SCNN1A: variants seen among roughly 807,000 people sequenced by gnomAD.
The protein encoded by SCNN1A is sodium channel epithelial 1 subunit alpha.
Under a neutral mutation model 68.6 loss-of-function variants are expected in SCNN1A, and 65 were observed. That is an observed-to-expected ratio of 0.95 (90% confidence interval 0.78 to 1.16). SCNN1A has a LOEUF of 1.16. Ranked by LOEUF, SCNN1A falls within the 50% of genes most tolerant of loss-of-function variation. The pLI, the probability that SCNN1A is intolerant of heterozygous loss-of-function variation, is 0.00. For synonymous variants in SCNN1A, 357 were observed against 353.3 expected (o/e 1.01, Z -0.12); for missense variants, 880 against 865.9 (o/e 1.02, Z -0.20).
chr12:6,374,682 T>A lies in SCNN1A; in HGVS notation c.102A>T (p.Glu34Asp). ...NKREEQGLGPEPAAPQQPTAE... is the reference protein window; with the variant it reads ...NKREEQGLGPDPAAPQQPTAE... Reference sequence around the variant, plus strand: ...CCGTGGGCTGCTGGGGCGCCGCAGGTTCGGGGCCCAGCCCCTGCTCCTCAC... The same window carrying A: ...CCGTGGGCTGCTGGGGCGCCGCAGGATCGGGGCCCAGCCCCTGCTCCTCAC... The change falls in exon 2 of 13, where the codon GAA becomes GAT. Residue 34 changes from glutamate to aspartate, a missense_variant. By Grantham distance (45) the Glu-to-Asp change is conservative. Around this residue, in one of 3 missense-constraint regions of SCNN1A, gnomAD observed 77 missense variants for 67.4 expected, o/e 1.14. Coordinates refer to ENST00000228916, the MANE Select transcript of SCNN1A (RefSeq NM_001038.6). This position sits in a 1 kb window ranked among gnomAD's most constrained non-coding sequence, Gnocchi z 6.2. The A allele has an allele frequency of 6.2e-7, 1 of 1,613,936 alleles. No homozygotes were observed. The highest frequency in any genetic ancestry group is 8.5e-7 in the Non-Finnish European group (1 of 1,179,940).
intron 5 of SCNN1A, 107 bp downstream of exon 5, chr12:6,355,670 G>C (rs1270638999): frequency 3.2e-6 from 3 of 943,236 alleles, no homozygotes; most frequent in Admixed American, 3.4e-5. Context: ...ATTGGGGAGA[G>C]ACAGCAGGCA....
At position 6,348,165 on chromosome 12, in the gene SCNN1A, A is replaced by G. The variant is rs764120076; in HGVS notation, c.1718T>C (p.Val573Ala). 1.2e-6 allele frequency: 2 copies of G among 1,613,996 alleles called. No homozygotes were observed. The highest frequency in any genetic ancestry group is 1.7e-6 in the Non-Finnish European group (2 of 1,180,028). The part of the protein sequence containing the change: ...VLSVVEMAEL[V>A]FDLLVIMFLM... ...GAACATGATGACCAGCAGGTCAAAG[A>G]CGAGCTCAGCCATCTCCACCACAGA... is the stretch of plus-strand genomic sequence containing the variant. The change falls in exon 13 of 13, where the codon GTC (valine) becomes GCC (alanine). Residue 573 changes from valine to alanine, a missense_variant. This residue lies in a region of SCNN1A where 758 missense variants were observed against 721.8 expected (regional missense o/e 1.05). Transcript: ENST00000228916.
intron 2 of SCNN1A, 44 bp from the exon 3 acceptor site, chr12:6,363,754 C>G: frequency 6.5e-7 from 1 of 1,532,962 alleles, no homozygotes; most frequent in Admixed American, 1.9e-5. Flanking sequence ...GGCCCTGGAG[C>G]GAGTGTCTGG....
At position 6,363,620 on chromosome 12, in the gene SCNN1A, A is replaced by T; in HGVS notation, c.507T>A (p.Thr169=). The T allele has an allele frequency of 5.0e-6, 8 of 1,613,212 alleles. No homozygotes were observed. Among genetic ancestry groups the T allele is most frequent in the Non-Finnish European group, 6.8e-6 (8 of 1,179,628 alleles). The change falls in exon 3 of 13, where the codon ACT becomes ACA. Residue 169 remains threonine, a synonymous_variant. Transcript: ENST00000228916. ...FDLYKYSSFT[T]LVAGSRSRRD... is the part of the protein sequence containing the mutation. ...GACGGCTGCGGGAGCCGGCCACGAG[A>T]GTGGTGAAGGAGCTGTATTTGTACA...
At chr12:6,373,515 A>T (rs975664683) in intron 2 of SCNN1A, among the ~76,000 whole-genome samples, 9 of 152,200 alleles carry the variant, frequency 5.9e-5, no homozygotes, top group African/African-American at 1.9e-4. Context: ...TCTGGCTTGA[A>T]GCAGGTGTTC....
chr12:6,358,457 T>C (rs1229250849), intron 4 of SCNN1A, among the ~76,000 whole-genome samples: 2 of 152,104 alleles, frequency 1.3e-5, no homozygotes, highest in African/African-American at 4.8e-5. Flanking sequence ...AAAACATAGA[T>C]CCATGTACAG....
chr12:6,360,922 G>T (rs1014479209), intron 4 of SCNN1A, among the ~76,000 whole-genome samples: 1 of 152,182 alleles, frequency 6.6e-6, no homozygotes, highest in Non-Finnish European at 1.5e-5. Context: ...AGCCAGGGCC[G>T]GCCCATTCCC....
chr12:6,377,343 A>G (rs1948929108), upstream of SCNN1A: 2 of 1,333,068 alleles, frequency 1.5e-6, no homozygotes, highest in Non-Finnish European at 2.1e-6. Context: ...CCAAGGATAA[A>G]TCAGTTTTCT....
intron 8 of SCNN1A, among the ~76,000 whole-genome samples, chr12:6,352,426 G>A (rs191160739): frequency 1.4e-4 from 22 of 152,246 alleles, no homozygotes; most frequent in African/African-American, 4.6e-4. Flanking sequence ...CCTCTTCTCC[G>A]GGGAAGTAAG....
In SCNN1A at chr12:6,348,635, G is replaced by A. The variant is rs559466407; in HGVS notation, c.1629+92C>T. ...TGCCTTTGAGACTCAGAGCCTTCTGGCCCACAGAGACAACCTTTTGGTTTT... is the reference window on the plus strand; with the variant it reads ...TGCCTTTGAGACTCAGAGCCTTCTGACCCACAGAGACAACCTTTTGGTTTT... On this transcript the variant is annotated intron_variant, in intron 12 of 12. Coordinates refer to ENST00000228916, the MANE Select transcript of SCNN1A (RefSeq NM_001038.6). 1.6e-4 allele frequency: 175 copies of A among 1,115,996 alleles called. 2 individuals are homozygous for A. Among genetic ancestry groups the A allele is most frequent in the South Asian group, 1.2e-3 (94 of 80,640 alleles). The allele number at this position is 1,115,996 out of a possible 1,614,324, so 69.1% of individuals were successfully genotyped here.
intron 8 of SCNN1A, among the ~76,000 whole-genome samples, chr12:6,350,844 TAATAAATAAATA>T (rs138838604): frequency 5.3e-5 from 8 of 150,790 alleles, no homozygotes; most frequent in African/African-American, 1.7e-4. Flanking sequence ...TCAAAATAAA[TAATAAATAAATA>T]AATAAATAAA....
intron 4 of SCNN1A, among the ~76,000 whole-genome samples, chr12:6,358,138 G>A (rs183904470): frequency 2.6e-5 from 4 of 152,326 alleles, no homozygotes; most frequent in East Asian, 1.9e-4. Flanking sequence ...GCTGTAAAAT[G>A]GGGATAATAA....
chr12:6,363,417 G>GGGCCC, intron 3 of SCNN1A, 26 bp downstream of exon 3: 1 of 1,507,394 alleles, frequency 6.6e-7, no homozygotes, highest in Non-Finnish European at 8.9e-7. Context: ...GGGGCGGGGC[G>GGGCCC]GGCCCCTCGG....
chr12:6,373,934 G>A (rs1215419869), intron 2 of SCNN1A, among the ~76,000 whole-genome samples: 5 of 152,058 alleles, frequency 3.3e-5, no homozygotes, highest in South Asian at 2.1e-4. Flanking sequence ...GCACGGTCTC[G>A]CCTCCCCTCA....
intron 2 of SCNN1A, 177 bp from the exon 3 acceptor site, chr12:6,363,887 T>G: frequency 1.8e-5 from 8 of 440,666 alleles, no homozygotes; most frequent in East Asian, 8.4e-5. Flanking sequence ...TAAACAGGTG[T>G]GTCCGCCGGG....
At chr12:6,355,180 C>T in intron 6 of SCNN1A, 92 bp downstream of exon 6, 5 of 1,419,530 alleles carry the variant, frequency 3.5e-6, no homozygotes, top group Middle Eastern at 2.2e-4. Flanking sequence ...AGGCCCACCC[C>T]ACATGCTCTC....
Position 6,374,656 on chromosome 12 carries a change from G to T in SCNN1A, c.128C>A (p.Ala43Glu). ...PEPAAPQQPT[A>E]EEEALIEFHR... Reference sequence around the variant, plus strand: ...GAACTCGATCAGGGCCTCCTCCTCCGCCGTGGGCTGCTGGGGCGCCGCAGG... The same window carrying T: ...GAACTCGATCAGGGCCTCCTCCTCCTCCGTGGGCTGCTGGGGCGCCGCAGG... The change falls in exon 2 of 13, where the codon GCG becomes GAG. Residue 43 changes from alanine (A) to glutamate (E), a missense_variant. Ala to Glu is a moderately radical substitution (Grantham distance 107, BLOSUM62 -1). Around this residue, in one of 3 missense-constraint regions of SCNN1A, gnomAD observed 77 missense variants for 67.4 expected, o/e 1.14. Transcript: ENST00000228916. The surrounding 1 kb of genome is among the most constrained non-coding windows in gnomAD (Gnocchi z 6.2). The T allele has an allele frequency of 6.2e-7, 1 of 1,613,674 alleles. No individual in the cohort carries two copies. Among genetic ancestry groups the T allele is most frequent in the Non-Finnish European group, 8.5e-7 (1 of 1,179,850 alleles).
intron 8 of SCNN1A, chr12:6,353,774 A>G (rs1305841879): frequency 2.4e-5 from 3 of 127,376 alleles, no homozygotes; most frequent in African/African-American, 1.0e-4. Flanking sequence ...TATTTTTAGT[A>G]GAGACGGGGT....
intron 5 of SCNN1A, among the ~76,000 whole-genome samples, 160 bp downstream of exon 5, chr12:6,355,617 G>A (rs72657583): frequency 1.3e-5 from 2 of 152,204 alleles, no homozygotes; most frequent in Non-Finnish European, 2.9e-5. Context: ...GGAAGACCTG[G>A]GACGGGATTC....
Sources: allele counts gnomAD v4.1 joint callset (sites outside exome capture counted in the v4.1 genomes callset), GRCh38; gene constraint gnomAD v4.1.1; regional missense constraint gnomAD v4.1.1; non-coding constraint Gnocchi (gnomAD v3.1); transcripts MANE v1.5; gene names NCBI Gene and HGNC (gene_info 2026-07-23, HGNC 2026-07-21).